The following PUS7 variants were observed in gnomAD, a reference collection of about 807,000 sequenced individuals.
The protein encoded by PUS7 is pseudouridylate synthase 7 homolog.
Under a neutral mutation model 79.8 loss-of-function variants are expected in PUS7, and 48 were observed. The observed-to-expected ratio is 0.60, with a 90% confidence interval of 0.48 to 0.76. The LOEUF (loss-of-function observed/expected upper bound fraction) is 0.76. Among genes scored for constraint, PUS7 ranks in the 30% least tolerant of loss-of-function variants. The pLI, the probability that PUS7 is intolerant of heterozygous loss-of-function variation, is 0.00. For synonymous variants in PUS7, 286 were observed against 272.2 expected, an observed-to-expected ratio of 1.05 and a Z score of -0.50; for missense variants, 729 against 797.6, an observed-to-expected ratio of 0.91 and a Z score of 1.04.
intron 10 of PUS7, among the ~76,000 whole-genome samples, chr7:105,471,560 C>A (rs760316400): frequency 2.0e-5 from 3 of 152,198 alleles, no homozygotes; most frequent in Non-Finnish European, 4.4e-5. Context: ...GCCTGTAATC[C>A]TAACATTCTG....
rs1823481752 is a variant in PUS7, at chr7:105,462,705, A to T, written c.1673T>A (p.Ile558Asn). The change falls in exon 14 of 16, where the codon ATT becomes AAT. Residue 558 changes from isoleucine (I) to asparagine (N), a missense_variant. Ile to Asn is a moderately radical substitution (Grantham distance 149, BLOSUM62 -3). Coordinates refer to ENST00000469408, the MANE Select transcript of PUS7 (RefSeq NM_019042.5). The stretch of plus-strand genomic sequence containing the variant: ...TCGAATTTTGTGTCTCATGTTGTCA[A>T]TATCAAGATTGTCAGCTGTGAGCAT... Reference protein sequence around the residue: ...REMLTADNLDIDNMRHKIRDY... With the variant: ...REMLTADNLDNDNMRHKIRDY... The T allele has an allele frequency of 6.2e-7, 1 of 1,613,632 alleles. No individual in the cohort carries two copies. The highest frequency in any genetic ancestry group is 1.7e-5 in the Admixed American group (1 of 59,968).
At chr7:105,503,873 T>A (rs1825351757) in intron 4 of PUS7, among the ~76,000 whole-genome samples, 1 of 152,094 alleles carries the variant, frequency 6.6e-6, no homozygotes, top group Non-Finnish European at 1.5e-5. Context: ...ATTCAAGCGA[T>A]CTGCCCACCT....
intron 9 of PUS7, among the ~76,000 whole-genome samples, chr7:105,476,922 G>C (rs1824135359): frequency 6.6e-6 from 1 of 152,118 alleles, no homozygotes. Flanking sequence ...CTCCATTTTT[G>C]AATTGGTTTT....
At chr7:105,517,736 C>T (rs1468285717) in intron 1 of PUS7, among the ~76,000 whole-genome samples, 1 of 152,106 alleles carries the variant, frequency 6.6e-6, no homozygotes, top group Non-Finnish European at 1.5e-5. Context: ...GCACTCCAGT[C>T]TGGGCAACAG....
At chr7:105,477,225 T>C (rs972858238) in intron 9 of PUS7, among the ~76,000 whole-genome samples, 11 of 152,130 alleles carry the variant, frequency 7.2e-5, no homozygotes, top group Admixed American at 7.2e-4. Context: ...TGTTTAGATC[T>C]TTGGTCCATT....
chr7:105,478,469 C>A (rs917880484), intron 9 of PUS7, among the ~76,000 whole-genome samples: 5 of 152,210 alleles, frequency 3.3e-5, no homozygotes, highest in Admixed American at 3.3e-4. Flanking sequence ...CTAATCCTAA[C>A]ACTTGTTATT....
intron 1 of PUS7, among the ~76,000 whole-genome samples, chr7:105,513,888 ATTG>A (rs1048992626): frequency 7.1e-6 from 1 of 140,952 alleles, no homozygotes; most frequent in Non-Finnish European, 1.6e-5. Flanking sequence ...GCTGAACTGT[ATTG>A]TTGTTATGTC....
chr7:105,509,184 CAAAAAAAAAAAAA>C (rs57095427), intron 1 of PUS7, among the ~76,000 whole-genome samples: 583 of 55,714 alleles, frequency 0.01, 19 homozygotes, highest in African/African-American at 0.049. Flanking sequence ...GACTCCATCT[CAAAAAAAAAAAAA>C]AAAAAAAAAA....
chr7:105,500,321 G>A (rs1825195956), intron 5 of PUS7, among the ~76,000 whole-genome samples: 2 of 152,078 alleles, frequency 1.3e-5, no homozygotes, highest in African/African-American at 2.4e-5. Context: ...AAAGAAAGGC[G>A]GGTGTCGCAT....
At chr7:105,471,466 T>C (rs1321845254) in intron 10 of PUS7, among the ~76,000 whole-genome samples, 1 of 152,236 alleles carries the variant, frequency 6.6e-6, no homozygotes, top group Non-Finnish European at 1.5e-5. Context: ...ATATATTCAT[T>C]TTTAAAATAT....
chr7:105,500,518 C>T (rs1057286735), intron 5 of PUS7, among the ~76,000 whole-genome samples: 3 of 152,104 alleles, frequency 2.0e-5, no homozygotes, highest in African/African-American at 4.8e-5. Flanking sequence ...ACAGTTTTTG[C>T]TTTTTCCAAC....
At chr7:105,470,453 T>C in intron 11 of PUS7, 1 of 376,552 alleles carries the variant, frequency 2.7e-6, no homozygotes, top group Non-Finnish European at 4.7e-6. Context: ...CACTGAAGAT[T>C]ATGTTTTCCA....
At chr7:105,487,279 T>C (rs1022589977) in intron 7 of PUS7, among the ~76,000 whole-genome samples, 3 of 152,184 alleles carry the variant, frequency 2.0e-5, no homozygotes, top group Non-Finnish European at 4.4e-5. Context: ...TCGGCAACCA[T>C]TAATCTACTT....
chr7:105,487,685 CTTT>C (rs1200109080), intron 7 of PUS7, among the ~76,000 whole-genome samples: 1 of 152,162 alleles, frequency 6.6e-6, no homozygotes, highest in Non-Finnish European at 1.5e-5. Context: ...AAAAATCTTG[CTTT>C]TAAACATCAG....
In PUS7 at chr7:105,508,225, C is replaced by T. The variant is rs148625474; in HGVS notation, c.288G>A (p.Glu96=). The change falls in exon 2 of 16, where the codon GAG becomes GAA. Residue 96 remains glutamate, a synonymous_variant. Coordinates refer to ENST00000469408, the MANE Select transcript of PUS7 (RefSeq NM_019042.5). ...EDGLSEECEE[E]ESESFADMMK... is the part of the protein sequence containing the mutation. ...TCATGTCTGCAAAACTCTCTGATTC[C>T]TCCTCCTCGCACTCCTCTGAAAGTC... The T allele has an allele frequency of 3.3e-5, 54 of 1,614,138 alleles. No homozygotes were observed. The African/African-American group carries it at 6.1e-4, about 18-fold the overall frequency.
chr7:105,476,755 C>T (rs1048644486), intron 9 of PUS7, among the ~76,000 whole-genome samples: 1 of 152,150 alleles, frequency 6.6e-6, no homozygotes, highest in Non-Finnish European at 1.5e-5. Context: ...TTCTCTGTAC[C>T]CTTATCAACA....
chr7:105,489,677 G>A (rs1044693473), intron 7 of PUS7, among the ~76,000 whole-genome samples: 7 of 152,108 alleles, frequency 4.6e-5, no homozygotes, highest in African/African-American at 1.7e-4. Context: ...AAAAGAACTG[G>A]AATAAACATT....
rs769740851 is a variant in PUS7 at position 105,502,570 on chromosome 7, A to T, written c.586-6T>A. 10 of 1,611,694 alleles carry T rather than the reference A, an allele frequency of 6.2e-6. 1 individual carries two copies. In the South Asian group the frequency reaches 9.9e-5, roughly 16 times the overall value. On this transcript the variant is annotated splice_region_variant and splice_polypyrimidine_tract_variant and intron_variant, in intron 4 of 15. Transcript: ENST00000469408. ...TCTTTGGTGTCCTCGATAACCTATT[A>T]AAAAAAACAGATAGCAATACCACCA...
chr7:105,486,044 T>TTTTTG (rs1321109429), intron 7 of PUS7, among the ~76,000 whole-genome samples: 1 of 151,470 alleles, frequency 6.6e-6, no homozygotes, highest in South Asian at 2.1e-4. Context: ...TTCTTTTTTT[T>TTTTTG]TTTTGTTTTG....
Sources: gnomAD v4.1 joint callset for allele counts (sites outside exome capture counted in the v4.1 genomes callset) on GRCh38, gnomAD v4.1.1 for gene constraint, MANE v1.5 for transcripts, NCBI Gene and HGNC (gene_info 2026-07-23, HGNC 2026-07-21) for gene names.